The following PXK variants were observed in gnomAD, a reference collection of about 807,000 sequenced individuals.
The protein encoded by PXK is PX domain containing serine/threonine kinase like.
Under a neutral mutation model 84.7 loss-of-function variants are expected in PXK, and 35 were observed. That is an observed-to-expected ratio of 0.41 (90% CI 0.32 to 0.55). PXK has a LOEUF of 0.55. Ranked by LOEUF, PXK falls within the 20% of genes least tolerant of loss-of-function variation. The pLI is 0.21. For missense variants in PXK, 634 were observed against 699.7 expected (o/e 0.91, Z 1.06); for synonymous variants, 253 against 260.8 (o/e 0.97, Z 0.29).
Position 58,397,780 on chromosome 3 carries a change from C to A in PXK, c.1102+58C>A. 1 of 1,373,466 alleles carries A rather than the reference C, an allele frequency of 7.3e-7. No individual in the cohort carries two copies. Among genetic ancestry groups the A allele is most frequent in the Non-Finnish European group, 1.0e-6 (1 of 966,260 alleles). The allele number at this position is 1,373,466 out of a possible 1,614,324, so 85.1% of individuals were successfully genotyped here. ...CCTAGTAGTGTGCAGAGCCACTCAT[C>A]CCCTTTCCAGAGTCCAGGAAAGACC... On this transcript the variant is annotated intron_variant, in intron 11 of 17. Coordinates refer to ENST00000356151, the MANE Select transcript of PXK (RefSeq NM_017771.5). The surrounding 1 kb of genome is among the most constrained non-coding windows in gnomAD (Gnocchi z 4.7).
At position 58,412,178 on chromosome 3, in the gene PXK, C is replaced by T. The variant is rs772111268; in HGVS notation, c.1466-723C>T. Among the ~76,000 whole-genome samples, 45 of 152,098 alleles carry T rather than the reference C, an allele frequency of 3.0e-4. No individual in the cohort carries two copies. Among genetic ancestry groups the T allele is most frequent in the South Asian group, 6.2e-4 (3 of 4,808 alleles). On this transcript the variant is annotated intron_variant, in intron 16 of 17. Coordinates refer to ENST00000356151, the MANE Select transcript of PXK (RefSeq NM_017771.5). The surrounding 1 kb of genome is among the most constrained non-coding windows in gnomAD (Gnocchi z 6.2). ...GTTTCTGTGTCCACAGAAAGGCTTA[C>T]GTAGGAACCTCTGCTCATTGGGCTA... is the stretch of plus-strand genomic sequence containing the variant.
chr3:58,363,297 G>C (rs1311572667), intron 1 of PXK, among the ~76,000 whole-genome samples: 2 of 151,976 alleles, frequency 1.3e-5, no homozygotes, highest in Non-Finnish European at 2.9e-5. Context: ...ATACACAACT[G>C]ATATTTGTAT....
chr3:58,364,379 G>A lies in PXK; in HGVS notation c.103-1495G>A, dbSNP rs952079435. Among the ~76,000 whole-genome samples the A allele has an allele frequency of 1.5e-4, 23 of 152,118 alleles. No individual in the cohort carries two copies. The highest frequency in any genetic ancestry group is 6.5e-5 in the Admixed American group (1 of 15,274). ...TTGGGCCTTGATACATATTTGGCGG[G>A]GGGAGGGGAGCGGAGTTTTTTAGTT... On this transcript the variant is annotated intron_variant, in intron 1 of 17. Transcript: ENST00000356151. This position sits in a 1 kb window ranked among gnomAD's most constrained non-coding sequence, Gnocchi z 4.3.
In PXK at chr3:58,407,105, C is replaced by G. The variant is rs111997412; in HGVS notation, c.1231-1819C>G. 1.3e-5 allele frequency among the ~76,000 whole-genome samples: 2 copies of G among 152,090 alleles called. No individual in the cohort carries two copies. The highest frequency in any genetic ancestry group is 1.3e-4 in the Admixed American group (2 of 15,276). ...AAGTGGAATTCCTCATATGGTAGTT[C>G]CATTTTGTAGTTTTTTGAGTCACCT... On this transcript the variant is annotated intron_variant, in intron 13 of 17. Coordinates refer to ENST00000356151, the MANE Select transcript of PXK (RefSeq NM_017771.5). This position sits in a 1 kb window ranked among gnomAD's most constrained non-coding sequence, Gnocchi z 4.3.
At chr3:58,338,332 G>T (rs1471558713) in intron 1 of PXK, among the ~76,000 whole-genome samples, 1 of 143,442 alleles carries the variant, frequency 7.0e-6, no homozygotes, top group Non-Finnish European at 1.5e-5. Context: ...AAAAAAAAAA[G>T]TTTCTTTAGG....
rs761410772 is a variant in PXK at position 58,391,776 on chromosome 3, G to C, written c.544G>C (p.Asp182His). 6.2e-6 allele frequency: 10 copies of C among 1,612,938 alleles called. No homozygotes were observed. The highest frequency in any genetic ancestry group is 7.6e-6 in the Non-Finnish European group (9 of 1,179,096). The change falls in exon 7 of 18, where the codon GAC becomes CAC. Residue 182 changes from aspartate to histidine, a missense_variant. Asp to His is a moderately conservative substitution (Grantham distance 81, BLOSUM62 -1). Around this residue, in one of 3 missense-constraint regions of PXK, gnomAD observed 353 missense variants for 385.2 expected, o/e 0.92. Transcript: ENST00000356151. ...ATATTCCCTTCCATGTTTTCAGGCTGACCTTGGCCCAGACAAGTATTTGTC... is the reference window on the plus strand; with the variant it reads ...ATATTCCCTTCCATGTTTTCAGGCTCACCTTGGCCCAGACAAGTATTTGTC... ...PKERLVLSWA[D>H]LGPDKYLSDK... is the part of the protein sequence containing the mutation.
chr3:58,403,008 CTTT>C (rs71287200), intron 12 of PXK, among the ~76,000 whole-genome samples: 1 of 141,330 alleles, frequency 7.1e-6, no homozygotes, highest in Non-Finnish European at 1.5e-5. Context: ...ATAACATACC[CTTT>C]TTTTTTTTTT....
chr3:58,423,622 T>TAG, intron 17 of PXK: 1 of 1,452,828 alleles, frequency 6.9e-7, no homozygotes, highest in Non-Finnish European at 9.2e-7. Flanking sequence ...AGGGTAGCTT[T>TAG]ACCTGTTACT....
chr3:58,361,425 G>A (rs1424831801), intron 1 of PXK, among the ~76,000 whole-genome samples: 6 of 151,696 alleles, frequency 4.0e-5, no homozygotes, highest in East Asian at 1.9e-4. Context: ...ATACAGTCAC[G>A]ATAGAGAACA....
In PXK at chr3:58,392,492, A is replaced by C. The variant is rs2098640820; in HGVS notation, c.615+645A>C. ...ATGAATCACTAGCGAACTGAACACAATTACACTGACTTGTGCACTTGGTTT... is the reference window on the plus strand; with the variant it reads ...ATGAATCACTAGCGAACTGAACACACTTACACTGACTTGTGCACTTGGTTT... On this transcript the variant is annotated intron_variant, in intron 7 of 17. Transcript: ENST00000356151. 2.6e-5 allele frequency among the ~76,000 whole-genome samples: 4 copies of C among 152,156 alleles called. No individual in the cohort carries two copies. The South Asian group carries it at 8.3e-4, about 32-fold the overall frequency.
intron 4 of PXK, among the ~76,000 whole-genome samples, chr3:58,389,218 C>T (rs921378483): frequency 2.6e-5 from 4 of 152,094 alleles, no homozygotes; most frequent in East Asian, 1.9e-4. Flanking sequence ...ACAATAGAAC[C>T]ATGTTGTTGC....
rs912441233 is a variant in PXK, at chr3:58,336,556, A to G, written c.102+3466A>G. Among the ~76,000 whole-genome samples, 3 of 152,346 alleles carry G rather than the reference A, an allele frequency of 2.0e-5. 1 individual carries two copies. The highest frequency in any genetic ancestry group is 2.4e-5 in the African/African-American group (1 of 41,584). On this transcript the variant is annotated intron_variant, in intron 1 of 17. Transcript: ENST00000356151. ...GAGGAAGAAGGAAGATTTTCCAGACAAAAGGAATTCTGGTGAAAAGCCACA... is the reference window on the plus strand; with the variant it reads ...GAGGAAGAAGGAAGATTTTCCAGACGAAAGGAATTCTGGTGAAAAGCCACA...
rs1176549863 is a variant in PXK at position 58,391,173 on chromosome 3, T to C, written c.493T>C (p.Leu165=). The C allele has an allele frequency of 2.5e-6, 4 of 1,613,624 alleles. No individual in the cohort carries two copies. The highest frequency in any genetic ancestry group is 1.7e-5 in the Admixed American group (1 of 59,992). The change falls in exon 6 of 18, where the codon TTG becomes CTG. Residue 165 remains leucine, a synonymous_variant. Coordinates refer to ENST00000356151, the MANE Select transcript of PXK (RefSeq NM_017771.5). ...IGWRIRKKYF[L]MKIKNQPKER... ...TTGGAGAATAAGGAAGAAATATTTCTTGATGAAGATTAAAAATCAGCCAAA... is the reference window on the plus strand; with the variant it reads ...TTGGAGAATAAGGAAGAAATATTTCCTGATGAAGATTAAAAATCAGCCAAA...
intron 1 of PXK, among the ~76,000 whole-genome samples, chr3:58,334,315 C>T (rs1474237734): frequency 6.6e-6 from 1 of 152,162 alleles, no homozygotes. Context: ...ATTTATTTCA[C>T]GCTGTGTGTC....
rs903684222 is a variant in PXK, at chr3:58,400,953, C to G, written c.1181+1576C>G. ...ACAATGTGAATATGGAAAAACAGAC[C>G]CAGTTTGGAAAACAACTTTCACACA... On this transcript the variant is annotated intron_variant, in intron 12 of 17. Coordinates refer to ENST00000356151, the MANE Select transcript of PXK (RefSeq NM_017771.5). This position sits in a 1 kb window ranked among gnomAD's most constrained non-coding sequence, Gnocchi z 4.0. Among the ~76,000 whole-genome samples the G allele has an allele frequency of 2.0e-4, 30 of 152,132 alleles. No homozygotes were observed. The highest frequency in any genetic ancestry group is 1.2e-3 in the Admixed American group (18 of 15,254).
rs185529158 is a variant in PXK, at chr3:58,360,107, G to A, written c.103-5767G>A. Reference sequence around the variant, plus strand: ...AGGCCGCATGCCATTGTACTCTAGCGTGGATGACAGAGTAACACCTTATCT... The same window carrying A: ...AGGCCGCATGCCATTGTACTCTAGCATGGATGACAGAGTAACACCTTATCT... On this transcript the variant is annotated intron_variant, in intron 1 of 17. Coordinates refer to ENST00000356151, the MANE Select transcript of PXK (RefSeq NM_017771.5). 2.2e-3 allele frequency among the ~76,000 whole-genome samples: 337 copies of A among 152,180 alleles called. 4 individuals are homozygous for A. Among genetic ancestry groups the A allele is most frequent in the Admixed American group, 0.019 (292 of 15,282 alleles).
intron 13 of PXK, among the ~76,000 whole-genome samples, chr3:58,406,260 A>G (rs939471387): frequency 6.7e-6 from 1 of 149,726 alleles, no homozygotes; most frequent in Admixed American, 6.8e-5. Flanking sequence ...CACCCGGCCA[A>G]TTTTTTTAAT....
intron 5 of PXK, 91 bp from the exon 6 acceptor site, chr3:58,391,056 A>T (rs144013535): frequency 1.1e-6 from 1 of 943,416 alleles, no homozygotes; most frequent in Non-Finnish European, 1.7e-6. Context: ...AATATTGCCA[A>T]ACTTAATTTT....
At chr3:58,344,416 T>G (rs2097782510) in intron 1 of PXK, among the ~76,000 whole-genome samples, 1 of 152,224 alleles carries the variant, frequency 6.6e-6, no homozygotes, top group Admixed American at 6.5e-5. Flanking sequence ...TTCCCCCTGT[T>G]TTTTCCTTTT....
Sources: gnomAD v4.1 joint callset for allele counts (sites outside exome capture counted in the v4.1 genomes callset) on GRCh38, gnomAD v4.1.1 for gene constraint, gnomAD v4.1.1 regional missense constraint, Gnocchi (gnomAD v3.1) non-coding constraint, MANE v1.5 for transcripts, NCBI Gene and HGNC (gene_info 2026-07-23, HGNC 2026-07-21) for gene names.